Variants in MARCHF7 observed in about 807,000 individuals in gnomAD.
MARCHF7 encodes the protein E3 ubiquitin-protein ligase MARCHF7.
Under a neutral mutation model 76.5 loss-of-function variants are expected in MARCHF7, and 20 were observed. The ratio of observed to expected loss-of-function variants is 0.26; its 90% CI spans 0.18 to 0.38. The LOEUF is 0.38. MARCHF7 is among the 10% of genes least tolerant of loss of function. MARCHF7 has a pLI of 1.00. For synonymous variants in MARCHF7, 295 were observed against 293.0 expected, an observed-to-expected ratio of 1.01 and a Z score of -0.07; for missense variants, 797 against 812.9, an observed-to-expected ratio of 0.98 and a Z score of 0.24.
At chr2:159,725,932 G>C (rs994696937) in intron 3 of MARCHF7, among the ~76,000 whole-genome samples, 1 of 152,188 alleles carries the variant, frequency 6.6e-6, no homozygotes, top group Non-Finnish European at 1.5e-5. Flanking sequence ...GGTGTTTGGT[G>C]ATCCAAGAGT....
At chr2:159,750,729 A>T (rs1705539623) in intron 7 of MARCHF7, among the ~76,000 whole-genome samples, 1 of 152,190 alleles carries the variant, frequency 6.6e-6, no homozygotes, top group Non-Finnish European at 1.5e-5. Flanking sequence ...TATTAAAATG[A>T]GATAAATTAG....
chr2:159,764,912 C>A (rs1395369657), intron 11 of MARCHF7, among the ~76,000 whole-genome samples: 1 of 128,686 alleles, frequency 7.8e-6, no homozygotes, highest in African/African-American at 2.9e-5. Context: ...TTTTTTTTTT[C>A]AAAGAGAAAT....
chr2:159,720,518 T>C (rs1343330262), intron 3 of MARCHF7, among the ~76,000 whole-genome samples: 2 of 152,258 alleles, frequency 1.3e-5, no homozygotes, highest in Admixed American at 6.5e-5. Flanking sequence ...AGTTTTATAA[T>C]CTGCCTGAAA....
chr2:159,764,885 T>G (rs1707578557), intron 11 of MARCHF7, among the ~76,000 whole-genome samples: 1 of 147,294 alleles, frequency 6.8e-6, no homozygotes, highest in Admixed American at 6.7e-5. Context: ...AAGCATGTAA[T>G]TTTAACTGCA....
Position 159,748,694 on chromosome 2 carries a change from A to C in MARCHF7, c.1404A>C (p.Gln468His), listed in dbSNP as rs1302226147. 1 of 1,614,084 alleles carries C rather than the reference A, an allele frequency of 6.2e-7. No homozygotes were observed. Among genetic ancestry groups the C allele is most frequent in the Non-Finnish European group, 8.5e-7 (1 of 1,180,026 alleles). Reference protein sequence around the residue: ...TTGGSTSDSAQGGRNTGISGI... With the variant: ...TTGGSTSDSAHGGRNTGISGI... ...GTGGCTCTACATCAGATTCGGCTCA[A>C]GGTGGAAGAAATACAGGAATATCAG... The change falls in exon 7 of 12, where the codon CAA becomes CAC. Residue 468 changes from glutamine to histidine, a missense_variant. This residue lies in a region of MARCHF7 where 643 missense variants were observed against 631.5 expected (regional missense o/e 1.02). Coordinates refer to ENST00000409175, the MANE Select transcript of MARCHF7 (RefSeq NM_001282805.2).
chr2:159,741,352 A>G (rs1354802399), intron 4 of MARCHF7, among the ~76,000 whole-genome samples: 1 of 152,088 alleles, frequency 6.6e-6, no homozygotes, highest in African/African-American at 2.4e-5. Flanking sequence ...TGCTGTCTCA[A>G]AAAAAAACAA....
chr2:159,744,433 T>C (rs1195208582), intron 5 of MARCHF7, among the ~76,000 whole-genome samples: 1 of 152,180 alleles, frequency 6.6e-6, no homozygotes, highest in Non-Finnish European at 1.5e-5. Flanking sequence ...CTGAGACACA[T>C]ATTTTTCACA....
intron 3 of MARCHF7, among the ~76,000 whole-genome samples, chr2:159,722,779 A>C (rs1160680317): frequency 1.3e-5 from 2 of 152,216 alleles, no homozygotes; most frequent in South Asian, 4.1e-4. Flanking sequence ...TAACACCTAC[A>C]TTGTCAAAAT....
At chr2:159,738,551 G>A (rs1703742241) in intron 4 of MARCHF7, among the ~76,000 whole-genome samples, 1 of 152,156 alleles carries the variant, frequency 6.6e-6, no homozygotes, top group East Asian at 1.9e-4. Context: ...AAAGTGGGTG[G>A]CTCCTTTCCA....
rs57562635 is a variant in MARCHF7, at chr2:159,719,770, G to A, written c.-15+4004G>A. On this transcript the variant is annotated intron_variant, in intron 3 of 11. Transcript: ENST00000409175. ...GGTGATTTTTTTTCCTTGCATTTTT[G>A]TGTATCATACAAGTTTTGACTAAAT... is the stretch of plus-strand genomic sequence containing the variant. Among the ~76,000 whole-genome samples the A allele has an allele frequency of 0.023, 3,434 of 151,936 alleles. 252 individuals carry two copies. The East Asian group carries it at 0.27, about 12-fold the overall frequency.
chr2:159,726,286 C>T (rs990052727), intron 3 of MARCHF7, among the ~76,000 whole-genome samples: 2 of 150,718 alleles, frequency 1.3e-5, no homozygotes, highest in Admixed American at 6.6e-5. Flanking sequence ...TTTTTGATAC[C>T]GAGTCTCGCT....
In MARCHF7 at chr2:159,767,267, C is replaced by T. The variant is rs957704088; in HGVS notation, c.2057-17C>T. On this transcript the variant is annotated splice_polypyrimidine_tract_variant and intron_variant, in intron 11 of 11. Transcript: ENST00000409175. ...CCCCTTAAAATCATTCTTGATCATC[C>T]TGTTTTCTTTCAACAGCTTCAGAGG... is the stretch of plus-strand genomic sequence containing the variant. 6 of 1,594,168 alleles carry T rather than the reference C, an allele frequency of 3.8e-6. No individual in the cohort carries two copies. The highest frequency in any genetic ancestry group is 5.2e-6 in the Non-Finnish European group (6 of 1,163,630).
intron 7 of MARCHF7, among the ~76,000 whole-genome samples, chr2:159,749,638 A>G (rs1705370721): frequency 6.6e-6 from 1 of 151,930 alleles, no homozygotes; most frequent in South Asian, 2.1e-4. Context: ...ATGAGTCACT[A>G]CTTCCAGCAG....
intron 4 of MARCHF7, among the ~76,000 whole-genome samples, chr2:159,738,364 T>TG (rs1337750141): frequency 6.6e-6 from 1 of 151,450 alleles, no homozygotes; most frequent in Non-Finnish European, 1.5e-5. Flanking sequence ...GCATGGTGAG[T>TG]GGGGGGTAGG....
intron 4 of MARCHF7, among the ~76,000 whole-genome samples, chr2:159,742,295 G>A (rs985395308): frequency 3.3e-5 from 5 of 151,282 alleles, no homozygotes; most frequent in African/African-American, 9.7e-5. Context: ...TTGTATGACC[G>A]TATTCTGGAG....
rs937642474 is a variant in MARCHF7, at chr2:159,770,528, G to C, written c.*3186G>C. The C allele has an allele frequency of 6.6e-6, 1 of 152,154 alleles. No homozygotes were observed. 9.4% of individuals were successfully genotyped at this position (152,154 alleles called of 1,614,324 possible). On this transcript the variant is annotated 3_prime_UTR_variant, in exon 12 of 12. Coordinates refer to ENST00000409175, the MANE Select transcript of MARCHF7 (RefSeq NM_001282805.2). ...GATAGTATATCTATCTATCTCCCCA[G>C]AAGAAAGTAAGATAATTGATGGGGT...
intron 5 of MARCHF7, among the ~76,000 whole-genome samples, chr2:159,744,054 C>G (rs967161385): frequency 8.2e-5 from 10 of 122,174 alleles, no homozygotes; most frequent in Non-Finnish European, 1.3e-4. Context: ...GTGGCGGGAT[C>G]TCGGCTCACT....
chr2:159,734,014 T>A (rs1408452719), intron 4 of MARCHF7: 2 of 1,352,178 alleles, frequency 1.5e-6, no homozygotes, highest in Non-Finnish European at 1.9e-6. Context: ...ACTTCTGCTA[T>A]CCCATCTTTA....
At position 159,743,204 on chromosome 2, in the gene MARCHF7, T is replaced by C; in HGVS notation, c.297T>C (p.Cys99=). 2 of 1,614,198 alleles carry C rather than the reference T, an allele frequency of 1.2e-6. No homozygotes were observed. Among genetic ancestry groups the C allele is most frequent in the Non-Finnish European group, 1.7e-6 (2 of 1,180,024 alleles). Residue 99 remains cysteine (C), a synonymous_variant, in exon 5 of 12, where the codon TGT becomes TGC. Coordinates refer to ENST00000409175, the MANE Select transcript of MARCHF7 (RefSeq NM_001282805.2). ...GACCTAAACTTTCCTGTACAAACTG[T>C]ACTACCTCAGCTGGGAGAAATGTTG... ...SKRPKLSCTN[C]TTSAGRNVGN... is the part of the protein sequence containing the mutation.
Sources: gnomAD v4.1 joint callset for allele counts (sites outside exome capture counted in the v4.1 genomes callset) on GRCh38, gnomAD v4.1.1 for gene constraint, gnomAD v4.1.1 regional missense constraint, MANE v1.5 for transcripts, NCBI Gene and HGNC (gene_info 2026-07-23, HGNC 2026-07-21) for gene names.